The following LRFN2 variants were observed in gnomAD, a reference collection of about 807,000 sequenced individuals.
The protein encoded by LRFN2 is leucine rich repeat and fibronectin type III domain containing 2, also known as leucine-rich repeat and fibronectin type-III domain-containing protein 2.
A neutral mutation model predicts 37.3 loss-of-function variants in LRFN2; 18 were observed. The ratio of observed to expected loss-of-function variants is 0.48; its 90% CI spans 0.33 to 0.72. LRFN2 has a LOEUF of 0.72. Among genes scored for constraint, LRFN2 ranks in the 30% least tolerant of loss-of-function variants. LRFN2 has a pLI of 0.02. For synonymous variants in LRFN2, 556 were observed against 466.6 expected (o/e 1.19, Z -2.47); for missense variants, 1,006 against 1,060.7 (o/e 0.95, Z 0.72).
Position 40,534,053 on chromosome 6 carries a change from G to A in LRFN2, c.-19+52888C>T, listed in dbSNP as rs190635670. The stretch of plus-strand genomic sequence containing the variant: ...TCCACTTTCTACATGAGAAAACTTA[G>A]GGACAGAGAGACTAAGTAGCTTGCC... On this transcript the variant is annotated intron_variant, in intron 1 of 2. Coordinates refer to ENST00000338305, the MANE Select transcript of LRFN2 (RefSeq NM_020737.3). Among the ~76,000 whole-genome samples the A allele has an allele frequency of 3.3e-5, 5 of 152,314 alleles. No individual in the cohort carries two copies. The East Asian group carries it at 9.7e-4, about 29-fold the overall frequency.
At chr6:40,471,328 A>G (rs887635065) in intron 1 of LRFN2, among the ~76,000 whole-genome samples, 5 of 152,162 alleles carry the variant, frequency 3.3e-5, no homozygotes, top group African/African-American at 1.2e-4. Flanking sequence ...TCTCCTGGCA[A>G]AGTAATGAGT....
intron 1 of LRFN2, among the ~76,000 whole-genome samples, chr6:40,470,001 C>T (rs1486727018): frequency 1.3e-5 from 2 of 152,216 alleles, no homozygotes; most frequent in African/African-American, 4.8e-5. Context: ...ACTTGTAACC[C>T]GGAGCCAGTC....
chr6:40,455,630 A>G (rs1764218675), intron 1 of LRFN2, among the ~76,000 whole-genome samples: 1 of 152,248 alleles, frequency 6.6e-6, no homozygotes, highest in African/African-American at 2.4e-5. Flanking sequence ...TGCAAACCTG[A>G]GGATTTACCA....
chr6:40,437,939 G>C (rs1763730716), intron 1 of LRFN2, among the ~76,000 whole-genome samples: 1 of 152,184 alleles, frequency 6.6e-6, no homozygotes. Context: ...AAAAGGGCTA[G>C]GACAAGGAAC....
chr6:40,541,522 G>T (rs372633189), intron 1 of LRFN2, among the ~76,000 whole-genome samples: 1 of 152,164 alleles, frequency 6.6e-6, no homozygotes, highest in African/African-American at 2.4e-5. Context: ...GATCCAGGAC[G>T]GGGCGGGGGT....
chr6:40,467,166 A>AGAT (rs35088407), intron 1 of LRFN2, among the ~76,000 whole-genome samples: 5,256 of 148,624 alleles, frequency 0.035, 173 homozygotes, highest in African/African-American at 0.079. Flanking sequence ...AAGTTGAATG[A>AGAT]GATGATGATG....
At chr6:40,564,079 C>T (rs1767047248) in intron 1 of LRFN2, among the ~76,000 whole-genome samples, 1 of 152,126 alleles carries the variant, frequency 6.6e-6, no homozygotes, top group Non-Finnish European at 1.5e-5. Flanking sequence ...TGTTGAGGCT[C>T]AGGAATGTTA....
chr6:40,500,256 GC>G (rs987926128), intron 1 of LRFN2, among the ~76,000 whole-genome samples: 1 of 152,242 alleles, frequency 6.6e-6, no homozygotes, highest in Non-Finnish European at 1.5e-5. Context: ...CCAGGGGAAG[GC>G]CCCCTTGCCC....
rs565744817 is a variant in LRFN2 at position 40,503,378 on chromosome 6, G to C, written c.-18-70247C>G. 2.0e-5 allele frequency among the ~76,000 whole-genome samples: 3 copies of C among 152,272 alleles called. 1 individual carries two copies. Among genetic ancestry groups the C allele is most frequent in the African/African-American group, 7.2e-5 (3 of 41,566 alleles). ...GTCGCAGTAATGGAGAGACTGTAGT[G>C]GGGGAGCAGAGGGAAGTGCCCACAG... On this transcript the variant is annotated intron_variant, in intron 1 of 2. Coordinates refer to ENST00000338305, the MANE Select transcript of LRFN2 (RefSeq NM_020737.3).
chr6:40,437,522 C>G (rs1019790491), intron 1 of LRFN2, among the ~76,000 whole-genome samples: 1 of 152,106 alleles, frequency 6.6e-6, no homozygotes, highest in Non-Finnish European at 1.5e-5. Flanking sequence ...GATTAACAAA[C>G]GTCTAATGAA....
At chr6:40,501,303 C>T (rs543307490) in intron 1 of LRFN2, among the ~76,000 whole-genome samples, 61 of 151,842 alleles carry the variant, frequency 4.0e-4, no homozygotes, top group African/African-American at 1.4e-3. Context: ...CTGCACTTTC[C>T]AATTTCCTAT....
intron 1 of LRFN2, among the ~76,000 whole-genome samples, chr6:40,437,684 G>T: frequency 6.6e-6 from 1 of 152,100 alleles, no homozygotes; most frequent in Non-Finnish European, 1.5e-5. Flanking sequence ...AACAAAAGGC[G>T]GCTTAAATCC....
chr6:40,407,059 G>C (rs1309145803), intron 2 of LRFN2, among the ~76,000 whole-genome samples: 1 of 152,164 alleles, frequency 6.6e-6, no homozygotes, highest in African/African-American at 2.4e-5. Context: ...ACTGTCAATG[G>C]AGAGGCCCTG....
intron 1 of LRFN2, among the ~76,000 whole-genome samples, chr6:40,553,919 GA>G (rs1191066098): frequency 2.0e-5 from 3 of 152,146 alleles, no homozygotes; most frequent in African/African-American, 7.2e-5. Context: ...TTGGATAACT[GA>G]TGTCCTTCCA....
intron 1 of LRFN2, among the ~76,000 whole-genome samples, chr6:40,575,127 A>G (rs960116348): frequency 6.6e-6 from 1 of 151,722 alleles, no homozygotes; most frequent in African/African-American, 2.4e-5. Context: ...ACCCCTCCCA[A>G]CTCCTGCTCA....
intron 1 of LRFN2, among the ~76,000 whole-genome samples, chr6:40,501,193 A>G (rs1765372924): frequency 6.6e-6 from 1 of 151,124 alleles, no homozygotes; most frequent in African/African-American, 2.4e-5. Context: ...ATTTAGTATT[A>G]TATATAATAT....
At chr6:40,556,766 C>T (rs914460772) in intron 1 of LRFN2, among the ~76,000 whole-genome samples, 12 of 150,344 alleles carry the variant, frequency 8.0e-5, no homozygotes, top group African/African-American at 3.0e-4. Flanking sequence ...CACACTCCTA[C>T]TGATGCTCTT....
At chr6:40,575,541 T>C (rs1767262698) in intron 1 of LRFN2, among the ~76,000 whole-genome samples, 1 of 152,170 alleles carries the variant, frequency 6.6e-6, no homozygotes. Flanking sequence ...CCTAACCATC[T>C]GTGGATATTG....
chr6:40,438,648 T>A (rs554594617), intron 1 of LRFN2, among the ~76,000 whole-genome samples: 1 of 152,148 alleles, frequency 6.6e-6, no homozygotes, highest in African/African-American at 2.4e-5. Context: ...AGACTGGCTG[T>A]CTTCACTATG....
Sources: allele counts gnomAD v4.1 joint callset (sites outside exome capture counted in the v4.1 genomes callset), GRCh38; gene constraint gnomAD v4.1.1; transcripts MANE v1.5; gene names NCBI Gene and HGNC (gene_info 2026-07-23, HGNC 2026-07-21).